RELN: variants seen among roughly 807,000 people sequenced by gnomAD.
The protein encoded by RELN is reelin.
In RELN, 108 loss-of-function variants were observed where a neutral mutation model predicts 427.6. The observed-to-expected ratio is 0.25, with a 90% CI of 0.22 to 0.30. The LOEUF (loss-of-function observed/expected upper bound fraction) is 0.30. Among genes scored for constraint, RELN ranks in the 10% least tolerant of loss-of-function variants. The pLI is 1.00. For missense variants in RELN, 3,715 were observed against 4,302.8 expected (o/e 0.86, Z 3.82); for synonymous variants, 1,524 against 1,513.4 (o/e 1.01, Z -0.16).
chr7:103,957,452 C>T lies in RELN; in HGVS notation c.226+31679G>A, dbSNP rs116965517. 9.1e-4 allele frequency among the ~76,000 whole-genome samples: 139 copies of T among 152,304 alleles called. No individual in the cohort carries two copies. In the East Asian group the frequency reaches 0.025, roughly 27 times the overall value. ...CATGTGCATAACACTTCATAAAACACTGCCACATGTCTAATTTCACCTTCG... is the reference window on the plus strand; with the variant it reads ...CATGTGCATAACACTTCATAAAACATTGCCACATGTCTAATTTCACCTTCG... On this transcript the variant is annotated intron_variant, in intron 1 of 64. Transcript: ENST00000428762.
rs1441016203 is a variant in RELN at position 103,746,310 on chromosome 7, A to T, written c.656+3116T>A. 8.3e-4 allele frequency among the ~76,000 whole-genome samples: 126 copies of T among 152,332 alleles called. 1 individual carries two copies. Among genetic ancestry groups the T allele is most frequent in the African/African-American group, 2.9e-3 (119 of 41,568 alleles). On this transcript the variant is annotated intron_variant, in intron 6 of 64. Coordinates refer to ENST00000428762, the MANE Select transcript of RELN (RefSeq NM_005045.4). ...TAAATGTTAGACCTAAAACCATAAA[A>T]ACCCTAGAAGAAAACCTAGGCAATA... is the stretch of plus-strand genomic sequence containing the variant.
intron 36 of RELN, 87 bp from the exon 37 acceptor site, chr7:103,558,136 C>T (rs1830565557): frequency 1.4e-6 from 1 of 717,026 alleles, no homozygotes; most frequent in African/African-American, 1.8e-5. Flanking sequence ...CTTGCATTAG[C>T]TAAGTAATAA....
intron 30 of RELN, 146 bp from the exon 31 acceptor site, chr7:103,572,406 C>T (rs887701723): frequency 1.6e-6 from 1 of 634,524 alleles, no homozygotes. Flanking sequence ...GCAGAAAATA[C>T]ATAAATTATA....
chr7:103,709,704 T>C (rs1055816830), intron 8 of RELN, among the ~76,000 whole-genome samples: 2 of 152,182 alleles, frequency 1.3e-5, no homozygotes, highest in Non-Finnish European at 2.9e-5. Context: ...ACAGTAAAAG[T>C]TGTTTGTCAG....
chr7:103,938,683 G>A (rs1009678225), intron 1 of RELN, among the ~76,000 whole-genome samples: 3 of 152,094 alleles, frequency 2.0e-5, no homozygotes, highest in African/African-American at 2.4e-5. Flanking sequence ...TACAGGAATC[G>A]TAGTCTGACC....
intron 9 of RELN, among the ~76,000 whole-genome samples, chr7:103,698,546 C>CAACAA (rs1247756816): frequency 1.3e-5 from 2 of 152,094 alleles, no homozygotes; most frequent in Admixed American, 1.3e-4. Context: ...CAGGGTCTTG[C>CAACAA]TCTGTCATAT....
chr7:103,611,017 T>C (rs1399541485), intron 21 of RELN, among the ~76,000 whole-genome samples: 1 of 152,202 alleles, frequency 6.6e-6, no homozygotes, highest in Non-Finnish European at 1.5e-5. Context: ...TAATTTCAAA[T>C]GAGGTGCCAT....
At chr7:103,805,574 C>T (rs67399010) in intron 3 of RELN, among the ~76,000 whole-genome samples, 29,134 of 152,126 alleles carry the variant, frequency 0.19, 2,971 homozygotes, top group East Asian at 0.31. Context: ...CACAAATCCT[C>T]CTGAATCCTC....
intron 51 of RELN, among the ~76,000 whole-genome samples, chr7:103,508,507 A>T (rs1460517074): frequency 2.0e-5 from 3 of 152,264 alleles, no homozygotes; most frequent in Admixed American, 6.5e-5. Flanking sequence ...TCTCAAAATA[A>T]TAAGAGCTAT....
intron 3 of RELN, among the ~76,000 whole-genome samples, chr7:103,808,300 T>C (rs1016347936): frequency 6.6e-6 from 1 of 151,522 alleles, no homozygotes; most frequent in South Asian, 2.1e-4. Flanking sequence ...TTAGGTGATA[T>C]ACCTAATGCT....
intron 2 of RELN, among the ~76,000 whole-genome samples, chr7:103,904,222 A>G (rs1187401283): frequency 6.6e-6 from 1 of 152,072 alleles, no homozygotes; most frequent in East Asian, 1.9e-4. Flanking sequence ...TCCATAGTGT[A>G]TATGTACCAC....
At chr7:103,933,819 T>A (rs1795917142) in intron 1 of RELN, among the ~76,000 whole-genome samples, 2 of 152,188 alleles carry the variant, frequency 1.3e-5, no homozygotes, top group East Asian at 3.9e-4. Context: ...CCACGTGGCC[T>A]CATGCAGATT....
At chr7:103,839,092 G>C (rs1793485728) in intron 2 of RELN, among the ~76,000 whole-genome samples, 1 of 152,144 alleles carries the variant, frequency 6.6e-6, no homozygotes, top group South Asian at 2.1e-4. Flanking sequence ...TTAGTAAAAT[G>C]TGTAAAATTC....
chr7:103,699,807 C>T (rs959918300), intron 9 of RELN, among the ~76,000 whole-genome samples: 6 of 152,018 alleles, frequency 3.9e-5, no homozygotes, highest in African/African-American at 1.2e-4. Flanking sequence ...ATAAAATTGT[C>T]ACAGCTCAGC....
intron 11 of RELN, among the ~76,000 whole-genome samples, chr7:103,666,600 T>C (rs1005225813): frequency 1.3e-5 from 2 of 152,220 alleles, no homozygotes; most frequent in African/African-American, 2.4e-5. Flanking sequence ...TCAACTTTAG[T>C]GGACTTATTT....
At chr7:103,555,835 C>T (rs1050422792) in intron 38 of RELN, among the ~76,000 whole-genome samples, 1 of 152,144 alleles carries the variant, frequency 6.6e-6, no homozygotes, top group African/African-American at 2.4e-5. Context: ...TTTCACAATA[C>T]ATTAAAAATT....
intron 57 of RELN, among the ~76,000 whole-genome samples, chr7:103,493,030 T>C (rs1026029894): frequency 1.3e-5 from 2 of 152,180 alleles, no homozygotes; most frequent in East Asian, 1.9e-4. Context: ...CCTAAGGTGT[T>C]TGACCTTAAT....
intron 1 of RELN, among the ~76,000 whole-genome samples, chr7:103,946,158 G>A (rs942925261): frequency 2.0e-5 from 3 of 152,138 alleles, no homozygotes; most frequent in African/African-American, 4.8e-5. Flanking sequence ...AATAGGTGCT[G>A]AATAATATCT....
At chr7:103,700,123 T>G (rs1006287407) in intron 9 of RELN, among the ~76,000 whole-genome samples, 2 of 152,092 alleles carry the variant, frequency 1.3e-5, no homozygotes, top group Non-Finnish European at 2.9e-5. Context: ...TAAGAAAATA[T>G]TCTACTTAAG....
Sources: allele counts gnomAD v4.1 joint callset (sites outside exome capture counted in the v4.1 genomes callset), GRCh38; gene constraint gnomAD v4.1.1; transcripts MANE v1.5; gene names NCBI Gene and HGNC (gene_info 2026-07-23, HGNC 2026-07-21).